ZNF25: variants seen among roughly 807,000 people sequenced by gnomAD.
ZNF25 encodes zinc finger protein 25 (KOX 19).
Under a neutral mutation model 30.9 loss-of-function variants are expected in ZNF25, and 21 were observed. That is an observed-to-expected ratio of 0.68 (90% CI 0.48 to 0.98). The LOEUF (loss-of-function observed/expected upper bound fraction) is 0.98. Among genes scored for constraint, ZNF25 ranks in the 50% least tolerant of loss-of-function variants. The probability of loss-of-function intolerance (pLI) is 0.00; values close to 1 mark genes in which losing one functional copy is unlikely to be tolerated. For synonymous variants in ZNF25, 169 were observed against 181.3 expected, an observed-to-expected ratio of 0.93 and a Z score of 0.55; for missense variants, 501 against 529.9, an observed-to-expected ratio of 0.95 and a Z score of 0.54.
At chr10:37,971,875 T>C in intron 1 of ZNF25, 68 bp from the exon 2 acceptor site, 1 of 1,029,892 alleles carries the variant, frequency 9.7e-7, no homozygotes, top group Non-Finnish European at 1.4e-6. Context: ...CTTTGACCCA[T>C]TAGAAAGCAT....
At chr10:37,963,962 G>A (rs1363529331) in intron 2 of ZNF25, among the ~76,000 whole-genome samples, 1 of 152,136 alleles carries the variant, frequency 6.6e-6, no homozygotes, top group Non-Finnish European at 1.5e-5. Context: ...GTAACAGAGT[G>A]AGACTCTACC....
At chr10:37,974,384 T>C (rs2063677290) in intron 1 of ZNF25, among the ~76,000 whole-genome samples, 1 of 152,022 alleles carries the variant, frequency 6.6e-6, no homozygotes, top group South Asian at 2.1e-4. Flanking sequence ...TGACAAGGAA[T>C]TAATAACCAG....
In ZNF25 at chr10:37,950,841, T is replaced by C. The variant is rs913233148; in HGVS notation, c.*1286A>G. Reference sequence around the variant, plus strand: ...CCTTAACTATGCCATGTTGCTTCTATGAGGAAGAAAAAGTTGGTGAAGAAC... The same window carrying C: ...CCTTAACTATGCCATGTTGCTTCTACGAGGAAGAAAAAGTTGGTGAAGAAC... On this transcript the variant is annotated 3_prime_UTR_variant, in exon 6 of 6. Transcript: ENST00000302609. 4 of 152,114 alleles carry C rather than the reference T, an allele frequency of 2.6e-5. No individual in the cohort carries two copies. The highest frequency in any genetic ancestry group is 4.8e-5 in the African/African-American group (2 of 41,428). 9.4% of individuals were successfully genotyped at this position (152,114 alleles called of 1,614,324 possible). A position where few individuals can be genotyped will look rare whatever the true frequency, so the allele number is the denominator to read the frequency against.
At chr10:37,960,471 A>C (rs2062796589) in intron 2 of ZNF25, among the ~76,000 whole-genome samples, 1 of 149,238 alleles carries the variant, frequency 6.7e-6, no homozygotes, top group African/African-American at 2.5e-5. Context: ...AAAAAAAAAA[A>C]AAATTAGCCG....
At position 37,961,908 on chromosome 10, in the gene ZNF25, T is replaced by C. The variant is rs549890696; in HGVS notation, c.16-4362A>G. 2.1e-3 allele frequency among the ~76,000 whole-genome samples: 244 copies of C among 115,552 alleles called. 1 individual carries two copies. The highest frequency in any genetic ancestry group is 0.014 in the South Asian group (56 of 3,936). The allele number at this position is 115,552 out of a possible 152,430, so 75.8% of individuals were successfully genotyped here. ...TGCACTCCAGCCTGAGCAACAAAGA[T>C]TGAAACTCCATCTCAAAAAAAAAAA... On this transcript the variant is annotated intron_variant, in intron 2 of 5. Coordinates refer to ENST00000302609, the MANE Select transcript of ZNF25 (RefSeq NM_145011.4).
chr10:37,962,125 C>T (rs2062917682), intron 2 of ZNF25, among the ~76,000 whole-genome samples: 1 of 151,354 alleles, frequency 6.6e-6, no homozygotes, highest in Non-Finnish European at 1.5e-5. Context: ...GCTTTTAATC[C>T]CAGCTACTCA....
In ZNF25 at chr10:37,975,670, A is replaced by C. The variant is rs191419602; in HGVS notation, c.-86+836T>G. On this transcript the variant is annotated intron_variant, in intron 1 of 5. Coordinates refer to ENST00000302609, the MANE Select transcript of ZNF25 (RefSeq NM_145011.4). ...AATTTACACGTTTCACAGTCCTCTG[A>C]GAAGAGACTAAGGTTGGAGGATGCA... is the stretch of plus-strand genomic sequence containing the variant. 2.6e-5 allele frequency among the ~76,000 whole-genome samples: 4 copies of C among 152,320 alleles called. No homozygotes were observed. In the East Asian group the frequency reaches 7.7e-4, roughly 29 times the overall value.
At chr10:37,967,544 G>C (rs1466788398) in intron 2 of ZNF25, among the ~76,000 whole-genome samples, 7 of 151,830 alleles carry the variant, frequency 4.6e-5, no homozygotes, top group Non-Finnish European at 7.4e-5. Flanking sequence ...CCAAGTATCT[G>C]GGACTAAAAG....
intron 1 of ZNF25, among the ~76,000 whole-genome samples, chr10:37,974,065 G>T (rs940657438): frequency 6.6e-6 from 1 of 152,152 alleles, no homozygotes; most frequent in Non-Finnish European, 1.5e-5. Flanking sequence ...GAGAAAACTG[G>T]ATATCCATAC....
Position 37,953,148 on chromosome 10 carries a change from G to A in ZNF25, c.350C>T (p.Ala117Val). ...CTTCCCACATTCCTTACATTCACAGGCTTTCTCTGTGGTATGAGTTTTCTG... is the reference window on the plus strand; with the variant it reads ...CTTCCCACATTCCTTACATTCACAGACTTTCTCTGTGGTATGAGTTTTCTG... ...KHQKTHTTEKACECKECGKFF... is the reference protein window; with the variant it reads ...KHQKTHTTEKVCECKECGKFF... Residue 117 changes from alanine (A) to valine (V), a missense_variant, in exon 6 of 6, where the codon GCC (alanine) becomes GTC (valine). Transcript: ENST00000302609. 6.2e-7 allele frequency: 1 copy of A among 1,604,094 alleles called. No homozygotes were observed. Among genetic ancestry groups the A allele is most frequent in the Non-Finnish European group, 8.5e-7 (1 of 1,177,608 alleles).
chr10:37,960,822 G>A (rs1215734621), intron 2 of ZNF25, among the ~76,000 whole-genome samples: 1 of 152,044 alleles, frequency 6.6e-6, no homozygotes, highest in South Asian at 2.1e-4. Context: ...AATGTAAAGA[G>A]TCCAAATTAG....
chr10:37,962,073 A>T (rs1018742170), intron 2 of ZNF25, among the ~76,000 whole-genome samples: 1 of 151,830 alleles, frequency 6.6e-6, no homozygotes, highest in Non-Finnish European at 1.5e-5. Context: ...CATCTCTACT[A>T]AAAATACAAA....
chr10:37,951,568 A>G lies in ZNF25; in HGVS notation c.*559T>C, dbSNP rs2062146339. The G allele has an allele frequency of 6.6e-6, 1 of 152,268 alleles. No homozygotes were observed. The highest frequency in any genetic ancestry group is 2.4e-5 in the African/African-American group (1 of 41,470). 9.4% of individuals were successfully genotyped at this position (152,268 alleles called of 1,614,324 possible). A position where few individuals can be genotyped will look rare whatever the true frequency, so the allele number is the denominator to read the frequency against. On this transcript the variant is annotated 3_prime_UTR_variant, in exon 6 of 6. Transcript: ENST00000302609. ...CAAATTATTTGAATTTTTATTGAAC[A>G]CCTTCCAAATATTTAAAATATCTAT...
intron 2 of ZNF25, among the ~76,000 whole-genome samples, chr10:37,962,440 A>G (rs1308916038): frequency 6.6e-6 from 1 of 152,196 alleles, no homozygotes; most frequent in Non-Finnish European, 1.5e-5. Flanking sequence ...TCAAATATTC[A>G]CTGAAAGACC....
intron 2 of ZNF25, among the ~76,000 whole-genome samples, chr10:37,963,705 T>C (rs577353851): frequency 5.5e-4 from 83 of 152,290 alleles, no homozygotes; most frequent in Non-Finnish European, 9.6e-4. Flanking sequence ...CCAGGCGTGG[T>C]GGCTCACACT....
At chr10:37,969,627 T>C (rs1039299092) in intron 2 of ZNF25, among the ~76,000 whole-genome samples, 8 of 152,194 alleles carry the variant, frequency 5.3e-5, no homozygotes. Flanking sequence ...GAACAGGGAA[T>C]GACTGCTTAA....
At position 37,953,047 on chromosome 10, in the gene ZNF25, A is replaced by T. The variant is rs747991921; in HGVS notation, c.451T>A (p.Cys151Ser). 2 of 1,614,016 alleles carry T rather than the reference A, an allele frequency of 1.2e-6. No homozygotes were observed. Among genetic ancestry groups the T allele is most frequent in the South Asian group, 2.2e-5 (2 of 91,070 alleles). Residue 151 changes from cysteine (C) to serine (S), a missense_variant, in exon 6 of 6, where the codon TGT (cysteine) becomes AGT (serine). Coordinates refer to ENST00000302609, the MANE Select transcript of ZNF25 (RefSeq NM_145011.4). ...SKGKSYDCDK[C>S]GKSFSKNEDL... ...TCATTTTTAGAGAAAGATTTCCCAC[A>T]TTTATCACAGTCATAGGATTTGCCC...
In ZNF25 at chr10:37,959,438, G is replaced by A. The variant is rs539032816; in HGVS notation, c.16-1892C>T. Among the ~76,000 whole-genome samples the A allele has an allele frequency of 2.7e-4, 41 of 152,266 alleles. No homozygotes were observed. The South Asian group carries it at 8.3e-3, about 31-fold the overall frequency. ...CCCATAGTGTCTGTATGTCTCGCTCGTGGGTACAGTTATAGTGCCAATTAT... is the reference window on the plus strand; with the variant it reads ...CCCATAGTGTCTGTATGTCTCGCTCATGGGTACAGTTATAGTGCCAATTAT... On this transcript the variant is annotated intron_variant, in intron 2 of 5. Coordinates refer to ENST00000302609, the MANE Select transcript of ZNF25 (RefSeq NM_145011.4).
intron 2 of ZNF25, among the ~76,000 whole-genome samples, chr10:37,959,357 T>A (rs2062718472): frequency 6.6e-6 from 1 of 152,136 alleles, no homozygotes; most frequent in Admixed American, 6.5e-5. Flanking sequence ...ATAACACAAC[T>A]TTGTAATTAA....
Sources: gnomAD v4.1 joint callset for allele counts (sites outside exome capture counted in the v4.1 genomes callset) on GRCh38, gnomAD v4.1.1 for gene constraint, MANE v1.5 for transcripts, NCBI Gene and HGNC (gene_info 2026-07-23, HGNC 2026-07-21) for gene names.